The following TCF12 variants were observed in gnomAD, a reference collection of about 807,000 sequenced individuals.
TCF12 encodes the protein DNA-binding protein HTF4.
In TCF12, 45 loss-of-function variants were observed where a neutral mutation model predicts 86.0. The observed-to-expected ratio is 0.52, with a 90% CI of 0.41 to 0.67. The LOEUF is 0.67. Ranked by LOEUF, TCF12 falls within the 30% of genes least tolerant of loss-of-function variation. TCF12 has a pLI of 0.00. For missense variants in TCF12, 881 were observed against 859.9 expected, an observed-to-expected ratio of 1.02 and a Z score of -0.31; for synonymous variants, 330 against 299.6, an observed-to-expected ratio of 1.10 and a Z score of -1.05.
chr15:57,260,553 G>A (rs552610308), intron 16 of TCF12, among the ~76,000 whole-genome samples: 3 of 152,076 alleles, frequency 2.0e-5, no homozygotes, highest in African/African-American at 7.2e-5. Flanking sequence ...ATTGCCAGGG[G>A]TCATAGAAGT....
At chr15:57,100,388 G>A (rs1485637486) in intron 5 of TCF12, among the ~76,000 whole-genome samples, 2 of 151,028 alleles carry the variant, frequency 1.3e-5, no homozygotes, top group African/African-American at 4.9e-5. Context: ...AACAGATCTT[G>A]CCTCCTATGT....
intron 1 of TCF12, 46 bp downstream of exon 1, chr15:56,918,952 GGGGGCTGC>G (rs1395741969): frequency 1.3e-5 from 2 of 152,152 alleles, no homozygotes; most frequent in Admixed American, 1.3e-4. Flanking sequence ...CGGCGGGGCT[GGGGGCTGC>G]GGGGCGCCGC....
At chr15:57,123,524 CT>C (rs2051388646) in intron 5 of TCF12, among the ~76,000 whole-genome samples, 1 of 144,128 alleles carries the variant, frequency 6.9e-6, no homozygotes, top group Admixed American at 6.9e-5. Flanking sequence ...TTTTTTTTTT[CT>C]TTTTTTAAGA....
chr15:57,253,432 A>G lies in TCF12; in HGVS notation c.1431A>G (p.Gly477=). 6.2e-7 allele frequency: 1 copy of G among 1,614,090 alleles called. No individual in the cohort carries two copies. The highest frequency in any genetic ancestry group is 8.5e-7 in the Non-Finnish European group (1 of 1,179,984). ...GAAGCCTCAATTCAAACTATGGAGG[A>G]TCAAGCCTTGTTGCAAGCAGTCGAT... ...PIGSLNSNYG[G]SSLVASSRSA... Residue 477 remains glycine (G), a synonymous_variant, in exon 16 of 21, where the codon GGA becomes GGG. Coordinates refer to ENST00000333725, the MANE Select transcript of TCF12 (RefSeq NM_207037.2).
chr15:57,215,360 C>A (rs1035062956), intron 8 of TCF12, among the ~76,000 whole-genome samples: 1 of 152,130 alleles, frequency 6.6e-6, no homozygotes, highest in African/African-American at 2.4e-5. Context: ...TCACTATCCT[C>A]TTAAATCTAT....
At chr15:57,065,655 A>G (rs1375079372) in intron 4 of TCF12, among the ~76,000 whole-genome samples, 3 of 110,474 alleles carry the variant, frequency 2.7e-5, no homozygotes, top group Admixed American at 2.8e-4. Flanking sequence ...TGAGTGCTGC[A>G]TAGGATTTTA....
rs71113039 is a variant in TCF12, at chr15:56,946,798, C to CTTTTT, written c.148+25716_148+25720dup. Among the ~76,000 whole-genome samples the CTTTTT allele has an allele frequency of 7.0e-5, 8 of 113,544 alleles. 2 individuals carry two copies. The highest frequency in any genetic ancestry group is 9.9e-5 in the Admixed American group (1 of 10,152). 74.5% of individuals were successfully genotyped at this position (113,544 alleles called of 152,430 possible). On this transcript the variant is annotated intron_variant, in intron 3 of 20. Transcript: ENST00000333725. ...GCTTTTGTGAGTGAGTCTAAAGTAC[C>CTTTTT]TTTTTTTTTTTTTTTTTTTTGAGAC...
At chr15:56,995,337 A>G (rs2063660242) in intron 3 of TCF12, among the ~76,000 whole-genome samples, 2 of 137,240 alleles carry the variant, frequency 1.5e-5, no homozygotes, top group Admixed American at 1.6e-4. Context: ...TAGTTCTGTG[A>G]GAAATGACAT....
intron 4 of TCF12, among the ~76,000 whole-genome samples, chr15:57,087,073 C>G (rs934242571): frequency 9.8e-5 from 14 of 143,502 alleles, no homozygotes; most frequent in African/African-American, 3.7e-4. Context: ...CTCCCTCTCT[C>G]TCCCTCTGTC....
At chr15:57,247,118 AC>A (rs1255273346) in intron 13 of TCF12, 19 of 572,330 alleles carry the variant, frequency 3.3e-5, no homozygotes, top group Non-Finnish European at 5.6e-5. Flanking sequence ...CGTAGTTACC[AC>A]CGCCAAAATT....
chr15:57,243,089 G>A (rs1346249158), intron 12 of TCF12, among the ~76,000 whole-genome samples: 1 of 152,122 alleles, frequency 6.6e-6, no homozygotes, highest in African/African-American at 2.4e-5. Context: ...CTAAAAGATA[G>A]TATTAATAGC....
intron 4 of TCF12, among the ~76,000 whole-genome samples, chr15:57,087,697 T>C (rs990433374): frequency 6.6e-6 from 1 of 152,250 alleles, no homozygotes; most frequent in East Asian, 1.9e-4. Flanking sequence ...AAATTAATGG[T>C]TTTTGTAATC....
intron 6 of TCF12, among the ~76,000 whole-genome samples, chr15:57,167,851 T>C (rs2055016392): frequency 6.6e-6 from 1 of 152,160 alleles, no homozygotes; most frequent in Admixed American, 6.5e-5. Context: ...CTATTTTCCG[T>C]TTATGGTTAG....
chr15:56,975,828 T>C (rs1456527296), intron 3 of TCF12, among the ~76,000 whole-genome samples: 1 of 151,838 alleles, frequency 6.6e-6, no homozygotes. Flanking sequence ...ATCAGATACT[T>C]GGGCAAATGG....
intron 4 of TCF12, among the ~76,000 whole-genome samples, chr15:57,074,037 A>G (rs1260757029): frequency 1.3e-5 from 2 of 152,168 alleles, no homozygotes; most frequent in Admixed American, 1.3e-4. Context: ...GGCATGAGCC[A>G]CCACGCCCGG....
intron 3 of TCF12, among the ~76,000 whole-genome samples, chr15:57,021,449 T>C (rs1253595512): frequency 5.9e-5 from 9 of 152,194 alleles, no homozygotes; most frequent in African/African-American, 9.6e-5. Context: ...TCAGAAAACA[T>C]TGGCATCAAC....
At chr15:57,291,306 C>T (rs550825506), downstream of TCF12, among the ~76,000 whole-genome samples, 6 of 151,246 alleles carry the variant, frequency 4.0e-5, no homozygotes, top group South Asian at 4.2e-4. Flanking sequence ...CTATGTAAAT[C>T]GTTATTATGC....
At chr15:57,137,221 A>G (rs572048549) in intron 5 of TCF12, among the ~76,000 whole-genome samples, 1 of 152,056 alleles carries the variant, frequency 6.6e-6, no homozygotes, top group African/African-American at 2.4e-5. Flanking sequence ...TGACCTCATG[A>G]TCTGCCCGCC....
chr15:56,948,403 C>T lies in TCF12; in HGVS notation c.148+27305C>T, dbSNP rs115636482. On this transcript the variant is annotated intron_variant, in intron 3 of 20. Transcript: ENST00000333725. ...ATCGGAAAAAATGATCTAAAATCAC[C>T]GTAACTTCAGAACATCAGAGTTCAT... Among the ~76,000 whole-genome samples, 1,116 of 152,232 alleles carry T rather than the reference C, an allele frequency of 7.3e-3. 15 individuals are homozygous for T. Among genetic ancestry groups the T allele is most frequent in the African/African-American group, 0.025 (1,054 of 41,526 alleles).
Sources: allele counts gnomAD v4.1 joint callset (sites outside exome capture counted in the v4.1 genomes callset), GRCh38; gene constraint gnomAD v4.1.1; transcripts MANE v1.5; gene names NCBI Gene and HGNC (gene_info 2026-07-23, HGNC 2026-07-21).